MICU3: variants seen among roughly 807,000 people sequenced by gnomAD.
The protein encoded by MICU3 is mitochondrial calcium uptake 3.
MICU3 carries 62 observed loss-of-function variants against 66.5 expected under a neutral mutation model. The observed-to-expected ratio is 0.93, with a 90% confidence interval of 0.76 to 1.15. MICU3 has a LOEUF of 1.15. Among genes scored for constraint, MICU3 ranks in the 50% most tolerant of loss-of-function variants. MICU3 has a pLI of 0.00. For missense variants in MICU3, 779 were observed against 664.4 expected, an observed-to-expected ratio of 1.17 and a Z score of -1.90; for synonymous variants, 308 against 240.7, an observed-to-expected ratio of 1.28 and a Z score of -2.59.
At chr8:17,080,440 C>T (rs1210094170) in intron 4 of MICU3, among the ~76,000 whole-genome samples, 1 of 152,088 alleles carries the variant, frequency 6.6e-6, no homozygotes, top group Non-Finnish European at 1.5e-5. Flanking sequence ...ACCAACATCT[C>T]TTGTGTATTC....
intron 1 of MICU3, among the ~76,000 whole-genome samples, chr8:17,028,112 T>C (rs1811343695): frequency 6.6e-6 from 1 of 152,166 alleles, no homozygotes; most frequent in African/African-American, 2.4e-5. Context: ...CTTTAGCATA[T>C]GAGAATTTAT....
chr8:17,106,776 T>A (rs371574187), intron 11 of MICU3, among the ~76,000 whole-genome samples: 2 of 151,392 alleles, frequency 1.3e-5, no homozygotes, highest in South Asian at 4.1e-4. Flanking sequence ...CAGAGCAACC[T>A]TCCAGGCTTG....
At chr8:17,092,082 C>T (rs1244299273) in intron 8 of MICU3, among the ~76,000 whole-genome samples, 2 of 151,884 alleles carry the variant, frequency 1.3e-5, no homozygotes, top group Non-Finnish European at 1.5e-5. Context: ...TTCACCATTT[C>T]AGCCAGGATG....
intron 3 of MICU3, among the ~76,000 whole-genome samples, chr8:17,075,220 G>C (rs974233819): frequency 5.9e-5 from 9 of 152,068 alleles, no homozygotes; most frequent in Admixed American, 5.2e-4. Flanking sequence ...ACAGCAGCGT[G>C]TTCAACAACC....
chr8:17,031,804 G>A (rs1482825674), intron 1 of MICU3, among the ~76,000 whole-genome samples: 1 of 152,130 alleles, frequency 6.6e-6, no homozygotes, highest in African/African-American at 2.4e-5. Context: ...TTATATGATA[G>A]CCTTGAAGAT....
chr8:17,087,135 C>T, intron 7 of MICU3, 100 bp downstream of exon 7: 2 of 799,576 alleles, frequency 2.5e-6, no homozygotes, highest in Non-Finnish European at 3.9e-6. Flanking sequence ...TTGAAGCTGT[C>T]CCTTTCTTGA....
chr8:17,031,841 A>T (rs1812124907), intron 1 of MICU3, among the ~76,000 whole-genome samples: 1 of 152,108 alleles, frequency 6.6e-6, no homozygotes, highest in Non-Finnish European at 1.5e-5. Context: ...TTGGCTCTCA[A>T]CTCGGAATGC....
chr8:17,032,448 G>T (rs1812245846), intron 1 of MICU3, among the ~76,000 whole-genome samples: 1 of 151,950 alleles, frequency 6.6e-6, no homozygotes, highest in Non-Finnish European at 1.5e-5. Context: ...TTGTACAGAA[G>T]ACATGATCTT....
At chr8:17,058,196 C>T (rs538399836) in intron 1 of MICU3, among the ~76,000 whole-genome samples, 8 of 152,226 alleles carry the variant, frequency 5.3e-5, no homozygotes, top group African/African-American at 1.9e-4. Flanking sequence ...GTACCATTTA[C>T]TGAAATAATA....
chr8:17,071,009 C>T (rs748765042), intron 3 of MICU3, among the ~76,000 whole-genome samples: 1 of 152,124 alleles, frequency 6.6e-6, no homozygotes, highest in Non-Finnish European at 1.5e-5. Flanking sequence ...TCATGCTACA[C>T]AGAACAGTGC....
intron 3 of MICU3, among the ~76,000 whole-genome samples, chr8:17,074,090 G>C (rs1379684773): frequency 6.6e-6 from 1 of 150,890 alleles, no homozygotes; most frequent in Non-Finnish European, 1.5e-5. Context: ...AGTAGAGAGG[G>C]GGTTTCACCG....
intron 14 of MICU3, 29 bp downstream of exon 14, chr8:17,118,804 G>A (rs747035957): frequency 7.1e-7 from 1 of 1,415,844 alleles, no homozygotes; most frequent in Non-Finnish European, 1.0e-6. Context: ...GTCTAAATTT[G>A]TTCAGTAACA....
intron 6 of MICU3, 64 bp downstream of exon 6, chr8:17,085,382 T>A: frequency 8.7e-7 from 1 of 1,147,096 alleles, no homozygotes; most frequent in Non-Finnish European, 1.3e-6. Context: ...TTTTTATGTT[T>A]TTGCCTTATT....
the MICU3 span, chr8:17,131,711 G>A: frequency 7.2e-5 from 11 of 152,288 alleles, no homozygotes; most frequent in African/African-American, 2.7e-4. Flanking sequence ...AGGGTGGAGT[G>A]TGCCCTACAA....
chr8:17,081,653 CAAT>C, intron 4 of MICU3, 37 bp from the exon 5 acceptor site: 1 of 601,010 alleles, frequency 1.7e-6, no homozygotes. Flanking sequence ...GCTTCTAGAA[CAAT>C]ATTTTATATA....
At chr8:17,085,354 A>G in intron 6 of MICU3, 36 bp downstream of exon 6, 1 of 1,292,910 alleles carries the variant, frequency 7.7e-7, no homozygotes, top group Non-Finnish European at 1.1e-6. Flanking sequence ...ATCAATAATT[A>G]AATATTGCTT....
chr8:17,073,327 G>C (rs1185514511), intron 3 of MICU3, among the ~76,000 whole-genome samples: 2 of 152,072 alleles, frequency 1.3e-5, no homozygotes, highest in Admixed American at 6.6e-5. Context: ...CCTCCTGTTA[G>C]ATCAGTGGCA....
downstream of MICU3, among the ~76,000 whole-genome samples, chr8:17,123,402 A>G (rs116561116): frequency 1.6e-3 from 241 of 152,266 alleles, no homozygotes; most frequent in African/African-American, 5.3e-3. Flanking sequence ...AGAAAAGATA[A>G]GAGAATGGAG....
intron 8 of MICU3, among the ~76,000 whole-genome samples, chr8:17,092,691 A>T (rs1237252673): frequency 6.6e-6 from 1 of 152,072 alleles, no homozygotes; most frequent in African/African-American, 2.4e-5. Context: ...TTATTTTCAT[A>T]AACTACAAGC....
Sources: allele counts gnomAD v4.1 joint callset (sites outside exome capture counted in the v4.1 genomes callset), GRCh38; gene constraint gnomAD v4.1.1; transcripts MANE v1.5; gene names NCBI Gene and HGNC (gene_info 2026-07-23, HGNC 2026-07-21).